The following SIM1 variants were observed in gnomAD, a reference collection of about 807,000 sequenced individuals.
SIM1 encodes SIM bHLH transcription factor 1.
In SIM1, 18 loss-of-function variants were observed where a neutral mutation model predicts 78.2. That is an observed-to-expected ratio of 0.23 (90% CI 0.16 to 0.34). The LOEUF (loss-of-function observed/expected upper bound fraction) is 0.34. SIM1 is among the 10% of genes least tolerant of loss of function. The pLI, the probability that SIM1 is intolerant of heterozygous loss-of-function variation, is 1.00. For synonymous variants in SIM1, 417 were observed against 385.2 expected (o/e 1.08, Z -0.97); for missense variants, 939 against 975.1 (o/e 0.96, Z 0.49).
intron 2 of SIM1, among the ~76,000 whole-genome samples, chr6:100,461,399 C>A (rs959850262): frequency 6.6e-6 from 1 of 152,214 alleles, no homozygotes; most frequent in Non-Finnish European, 1.5e-5. Flanking sequence ...CCTGGCCGGC[C>A]GACTCCCCGG....
chr6:100,410,665 C>G (rs1771168303), intron 10 of SIM1, among the ~76,000 whole-genome samples: 1 of 152,060 alleles, frequency 6.6e-6, no homozygotes, highest in Admixed American at 6.6e-5. Context: ...GTGAGGCAGG[C>G]AATGGGCCAG....
chr6:100,427,801 A>C (rs1771774037), intron 9 of SIM1, among the ~76,000 whole-genome samples: 1 of 151,684 alleles, frequency 6.6e-6, no homozygotes, highest in Non-Finnish European at 1.5e-5. Flanking sequence ...TGCCTCAACC[A>C]CTCATCTAGC....
chr6:100,421,015 A>G, intron 9 of SIM1, 57 bp from the exon 10 acceptor site: 1 of 1,546,870 alleles, frequency 6.5e-7, no homozygotes, highest in Non-Finnish European at 8.8e-7. Flanking sequence ...GGATTCATGC[A>G]TACTCTCATC....
intron 2 of SIM1, among the ~76,000 whole-genome samples, chr6:100,455,993 A>G (rs1051601927): frequency 6.6e-6 from 1 of 152,130 alleles, no homozygotes; most frequent in African/African-American, 2.4e-5. Context: ...CCACAGGTTA[A>G]TAAACAACCT....
chr6:100,397,844 A>G (rs1161810145), intron 10 of SIM1, among the ~76,000 whole-genome samples: 1 of 152,162 alleles, frequency 6.6e-6, no homozygotes, highest in African/African-American at 2.4e-5. Flanking sequence ...ACAACAAAAA[A>G]GGGTGAAAGA....
rs1230389538 is a variant in SIM1 at position 100,386,370 on chromosome 6, T to C, written c.*3991A>G. On this transcript the variant is annotated 3_prime_UTR_variant, in exon 12 of 12. Coordinates refer to ENST00000369208, the MANE Select transcript of SIM1 (RefSeq NM_005068.3). Reference sequence around the variant, plus strand: ...TCTAAATACTACTAGGACTGATAGATTGCACTGAATATCTTAGTAATATCC... The same window carrying C: ...TCTAAATACTACTAGGACTGATAGACTGCACTGAATATCTTAGTAATATCC... 1 of 152,024 alleles carries C rather than the reference T, an allele frequency of 6.6e-6. No homozygotes were observed. The highest frequency in any genetic ancestry group is 1.5e-5 in the Non-Finnish European group (1 of 67,914). 9.4% of individuals were successfully genotyped at this position (152,024 alleles called of 1,614,324 possible).
At chr6:100,463,002 A>G (rs891987491) in intron 2 of SIM1, 3 of 323,168 alleles carry the variant, frequency 9.3e-6, no homozygotes, top group East Asian at 5.1e-5. Context: ...AGTACTTTCA[A>G]TTGAGCCTAG....
chr6:100,391,200 T>C (rs931541698), intron 11 of SIM1, 109 bp from the exon 12 acceptor site: 5 of 1,201,290 alleles, frequency 4.2e-6, no homozygotes, highest in African/African-American at 3.1e-5. Flanking sequence ...TTTTAATATA[T>C]GCACCAATAT....
chr6:100,418,364 A>T (rs1562242450), intron 10 of SIM1, among the ~76,000 whole-genome samples: 1 of 149,886 alleles, frequency 6.7e-6, no homozygotes, highest in Non-Finnish European at 1.5e-5. Context: ...CTCCAAAAAT[A>T]AATAAATAAA....
chr6:100,448,675 T>C lies in SIM1; in HGVS notation c.547A>G (p.Ile183Val), dbSNP rs773974305. Residue 183 changes from isoleucine to valine, a missense_variant, in exon 7 of 12, where the codon ATC (isoleucine) becomes GTC (valine). Ile to Val is a conservative substitution (Grantham distance 29). Transcript: ENST00000369208. ...ATCTTCAAGTAGCCGCTGCAGTGGA[T>C]GACCTGAGGCAGAGGGATAGGGAGG... ...AGLTCGGYKV[I>V]HCSGYLKIRQ... is the part of the protein sequence containing the mutation. The C allele has an allele frequency of 5.0e-6, 8 of 1,609,934 alleles. No individual in the cohort carries two copies. In the Admixed American group the frequency reaches 1.3e-4, roughly 27 times the overall value.
chr6:100,447,190 C>T, intron 9 of SIM1, 78 bp downstream of exon 9: 1 of 1,527,894 alleles, frequency 6.5e-7, no homozygotes, highest in African/African-American at 1.4e-5. Context: ...TTGTCTAACC[C>T]GGCCGTGCCG....
At chr6:100,396,386 G>A (rs1253622266) in intron 10 of SIM1, among the ~76,000 whole-genome samples, 1 of 152,038 alleles carries the variant, frequency 6.6e-6, no homozygotes, top group Non-Finnish European at 1.5e-5. Flanking sequence ...AGTGTGTATG[G>A]GAAAGTGCTA....
chr6:100,417,079 C>T (rs1771421902), intron 10 of SIM1, among the ~76,000 whole-genome samples: 1 of 151,976 alleles, frequency 6.6e-6, no homozygotes, highest in African/African-American at 2.4e-5. Context: ...CATTAAATGA[C>T]ACCAACCCTC....
chr6:100,454,535 G>A (rs879893737), intron 2 of SIM1, among the ~76,000 whole-genome samples: 2 of 148,660 alleles, frequency 1.3e-5, no homozygotes, highest in Admixed American at 1.3e-4. Context: ...ACCAAAACCC[G>A]CATAGGCTTT....
Position 100,463,518 on chromosome 6 carries a change from C to A in SIM1, c.-50G>T, listed in dbSNP as rs760509999. 1.2e-5 allele frequency: 18 copies of A among 1,504,708 alleles called. No homozygotes were observed. Among genetic ancestry groups the A allele is most frequent in the Non-Finnish European group, 1.5e-5 (17 of 1,110,900 alleles). 93.2% of individuals were successfully genotyped at this position (1,504,708 alleles called of 1,614,324 possible). A position where few individuals can be genotyped will look rare whatever the true frequency, so the allele number is the denominator to read the frequency against. ...CACAACTTAAGCTCCGCAGATTCAT[C>A]CAAAACCAAAAATAAACTTTCAATT... is the stretch of plus-strand genomic sequence containing the variant. On this transcript the variant is annotated 5_prime_UTR_variant, in exon 2 of 12. Coordinates refer to ENST00000369208, the MANE Select transcript of SIM1 (RefSeq NM_005068.3).
intron 11 of SIM1, among the ~76,000 whole-genome samples, chr6:100,393,163 G>A (rs545429923): frequency 6.6e-6 from 1 of 152,156 alleles, no homozygotes; most frequent in South Asian, 2.1e-4. Flanking sequence ...TTTGAAGCAC[G>A]AAAATACAAA....
intron 10 of SIM1, among the ~76,000 whole-genome samples, chr6:100,412,567 GAAA>G (rs1771225329): frequency 1.5e-5 from 1 of 65,360 alleles, no homozygotes; most frequent in Non-Finnish European, 3.1e-5. Context: ...AAGAAAGAAA[GAAA>G]GAAAGAAAGA....
chr6:100,402,565 C>CTTTTTTTTTTTTTTTTTTTTT (rs1279941987), intron 10 of SIM1, among the ~76,000 whole-genome samples: 1 of 106,174 alleles, frequency 9.4e-6, no homozygotes, highest in South Asian at 3.3e-4. Context: ...CTTTTCTTTT[C>CTTTTTTTTTTTTTTTTTTTTT]TCTTTTTTTT....
chr6:100,445,923 T>A (rs1772341554), intron 9 of SIM1, among the ~76,000 whole-genome samples: 1 of 152,224 alleles, frequency 6.6e-6, no homozygotes, highest in Non-Finnish European at 1.5e-5. Flanking sequence ...ACTGTATTCA[T>A]GAAATTGATA....
Sources: allele counts gnomAD v4.1 joint callset (sites outside exome capture counted in the v4.1 genomes callset), GRCh38; gene constraint gnomAD v4.1.1; transcripts MANE v1.5; gene names NCBI Gene and HGNC (gene_info 2026-07-23, HGNC 2026-07-21).